BFSP1: variants seen among roughly 807,000 people sequenced by gnomAD.
BFSP1 encodes the protein filensin.
A neutral mutation model predicts 43.9 loss-of-function variants in BFSP1; 38 were observed. That is an observed-to-expected ratio of 0.87 (90% CI 0.67 to 1.14). The LOEUF is 1.14. BFSP1 is among the 50% of genes most tolerant of loss of function. The probability of loss-of-function intolerance (pLI) is 0.00; values close to 1 mark genes in which losing one functional copy is unlikely to be tolerated. For missense variants in BFSP1, 850 were observed against 875.1 expected, an observed-to-expected ratio of 0.97 and a Z score of 0.36; for synonymous variants, 352 against 354.8, an observed-to-expected ratio of 0.99 and a Z score of 0.09.
intron 1 of BFSP1, among the ~76,000 whole-genome samples, chr20:17,546,528 C>G (rs1054241665): frequency 5.3e-5 from 8 of 152,026 alleles, no homozygotes; most frequent in African/African-American, 1.7e-4. Flanking sequence ...ATGTTGAAAC[C>G]CCGTTTCTAC....
chr20:17,567,027 C>T (rs2035127427), intron 1 of BFSP1, among the ~76,000 whole-genome samples: 1 of 152,102 alleles, frequency 6.6e-6, no homozygotes, highest in Non-Finnish European at 1.5e-5. Flanking sequence ...GTCCAAAGGC[C>T]CCAACTTCAA....
At chr20:17,541,055 T>C (rs907003365) in intron 1 of BFSP1, 1 of 154,334 alleles carries the variant, frequency 6.5e-6, no homozygotes, top group Admixed American at 6.5e-5. Context: ...CCAGGAGCTG[T>C]AGCATGCACC....
intron 1 of BFSP1, among the ~76,000 whole-genome samples, chr20:17,567,478 G>A (rs1347843310): frequency 1.3e-5 from 2 of 152,114 alleles, no homozygotes; most frequent in African/African-American, 4.8e-5. Flanking sequence ...TATAGCATCT[G>A]CATCTCCTGG....
At chr20:17,556,537 A>G (rs968314613) in intron 1 of BFSP1, among the ~76,000 whole-genome samples, 1 of 152,130 alleles carries the variant, frequency 6.6e-6, no homozygotes, top group Middle Eastern at 3.2e-3. Context: ...AAAAAAACAC[A>G]GGAACACAAA....
At position 17,553,792 on chromosome 20, in the gene BFSP1, TATACACACACACACACAC is replaced by T. The variant is rs1252777209; in HGVS notation, c.2+4878_2+4895del. The stretch of plus-strand genomic sequence containing the variant: ...ATATATAAACATATATATATATATA[TATACACACACACACACAC>T]ACACACACACACACATATATATATA... On this transcript the variant is annotated intron_variant, in intron 1 of 7. Coordinates refer to the BFSP1 transcript ENST00000377868. 1.6e-3 allele frequency among the ~76,000 whole-genome samples: 113 copies of T among 68,522 alleles called. 2 individuals carry two copies. Among genetic ancestry groups the T allele is most frequent in the African/African-American group, 8.6e-3 (53 of 6,152 alleles). The allele number at this position is 68,522 out of a possible 152,430, so 45.0% of individuals were successfully genotyped here. A position where few individuals can be genotyped will look rare whatever the true frequency, so the allele number is the denominator to read the frequency against.
chr20:17,538,040 G>A (rs937545341), intron 1 of BFSP1, among the ~76,000 whole-genome samples: 8 of 151,954 alleles, frequency 5.3e-5, no homozygotes, highest in Admixed American at 5.2e-4. Context: ...AGGATCACTT[G>A]AGCCTGGGAG....
chr20:17,561,546 C>T (rs2035067283), upstream of BFSP1, among the ~76,000 whole-genome samples: 1 of 151,766 alleles, frequency 6.6e-6, no homozygotes. Flanking sequence ...AAATGGAAGA[C>T]AACTTGGAGA....
chr20:17,496,905 A>G (rs1239583209), intron 7 of BFSP1, 33 bp downstream of exon 7: 1 of 1,487,310 alleles, frequency 6.7e-7, no homozygotes, highest in Non-Finnish European at 9.0e-7. Context: ...TCAAGACAGA[A>G]AAAAACAGAA....
At chr20:17,549,982 T>C (rs1013930297) in intron 1 of BFSP1, among the ~76,000 whole-genome samples, 2 of 152,182 alleles carry the variant, frequency 1.3e-5, no homozygotes, top group African/African-American at 4.8e-5. Context: ...ATCCAAACCA[T>C]ATCACTAGGA....
intron 2 of BFSP1, among the ~76,000 whole-genome samples, chr20:17,517,701 G>A (rs1278569215): frequency 6.6e-6 from 1 of 152,186 alleles, no homozygotes; most frequent in East Asian, 1.9e-4. Context: ...ATGTCATCAT[G>A]TAATCAATAA....
rs1000434425 is a variant in BFSP1, at chr20:17,551,308, G to C, written c.2+7380C>G. The stretch of plus-strand genomic sequence containing the variant: ...GGAGCTGTCTGGTCACACAGTGAGA[G>C]TGGGAGGAAGGCAGAGAGGTGCCAC... On this transcript the variant is annotated intron_variant, in intron 1 of 7. Transcript: ENST00000377868. Among the ~76,000 whole-genome samples the C allele has an allele frequency of 1.1e-4, 16 of 152,184 alleles. 1 individual carries two copies. The highest frequency in any genetic ancestry group is 1.8e-4 in the Non-Finnish European group (12 of 68,026).
upstream of BFSP1, among the ~76,000 whole-genome samples, chr20:17,535,400 A>T (rs2034610615): frequency 6.6e-6 from 1 of 152,010 alleles, no homozygotes; most frequent in Admixed American, 6.5e-5. Context: ...GCATGGTGCT[A>T]CACACCTGTA....
At chr20:17,514,864 G>A (rs1189727964) in intron 2 of BFSP1, 48 bp from the exon 3 acceptor site, 7 of 1,566,132 alleles carry the variant, frequency 4.5e-6, no homozygotes, top group Non-Finnish European at 5.3e-6. Flanking sequence ...ATGGAGCATA[G>A]GGGTAAAGCT....
chr20:17,562,804 C>T (rs767528343), upstream of BFSP1, among the ~76,000 whole-genome samples: 1 of 152,278 alleles, frequency 6.6e-6, no homozygotes, highest in East Asian at 1.9e-4. Flanking sequence ...TATACTTAAA[C>T]ATATTTAGCC....
intron 1 of BFSP1, among the ~76,000 whole-genome samples, chr20:17,548,154 T>A (rs1340990692): frequency 3.2e-5 from 4 of 124,680 alleles, no homozygotes; most frequent in African/African-American, 1.2e-4. Context: ...GAATTTAAGA[T>A]CTAGTCCAAA....
At chr20:17,556,132 T>C (rs1340579918) in intron 1 of BFSP1, among the ~76,000 whole-genome samples, 4 of 152,066 alleles carry the variant, frequency 2.6e-5, no homozygotes, top group Non-Finnish European at 5.9e-5. Context: ...AAAAATAAAG[T>C]TAGGTATCTC....
At chr20:17,526,578 C>T (rs1461165249) in intron 1 of BFSP1, among the ~76,000 whole-genome samples, 1 of 152,192 alleles carries the variant, frequency 6.6e-6, no homozygotes, top group Non-Finnish European at 1.5e-5. Context: ...TCAGTGGACA[C>T]TTGGGTTGCT....
intron 3 of BFSP1, among the ~76,000 whole-genome samples, chr20:17,513,998 C>T (rs1053577315): frequency 1.3e-5 from 2 of 152,214 alleles, no homozygotes; most frequent in South Asian, 2.1e-4. Context: ...AGTTCCCCAA[C>T]ACCCCACTAC....
chr20:17,497,804 T>C (rs1052829627), intron 6 of BFSP1, among the ~76,000 whole-genome samples: 4 of 152,028 alleles, frequency 2.6e-5, no homozygotes, highest in East Asian at 3.9e-4. Context: ...TCTTGCAACA[T>C]TTCTATCAAT....
Sources: gnomAD v4.1 joint callset for allele counts (sites outside exome capture counted in the v4.1 genomes callset) on GRCh38, gnomAD v4.1.1 for gene constraint, MANE v1.5 for transcripts, NCBI Gene and HGNC (gene_info 2026-07-23, HGNC 2026-07-21) for gene names.